The following FCHSD2 variants were observed in gnomAD, a reference collection of about 807,000 sequenced individuals.
The protein encoded by FCHSD2 is F-BAR and double SH3 domains protein 2.
A neutral mutation model predicts 108.1 loss-of-function variants in FCHSD2; 38 were observed. That is an observed-to-expected ratio of 0.35 (90% confidence interval 0.27 to 0.46). The LOEUF is 0.46. Ranked by LOEUF, FCHSD2 falls within the 20% of genes least tolerant of loss-of-function variation. FCHSD2 has a pLI of 1.00. For synonymous variants in FCHSD2, 279 were observed against 314.7 expected (o/e 0.89, Z 1.20); for missense variants, 751 against 897.8 (o/e 0.84, Z 2.09).
chr11:73,014,381 G>A (rs945920570), intron 4 of FCHSD2, among the ~76,000 whole-genome samples: 2 of 151,490 alleles, frequency 1.3e-5, no homozygotes, highest in Non-Finnish European at 2.9e-5. Context: ...CTTCCACCTC[G>A]GCCTCCCAAA....
At chr11:72,851,228 T>C (rs1861280537) in intron 13 of FCHSD2, among the ~76,000 whole-genome samples, 2 of 151,202 alleles carry the variant, frequency 1.3e-5, no homozygotes. Flanking sequence ...TTCACTGAAA[T>C]TAAAAACTAA....
chr11:73,082,621 T>G (rs1412888726), intron 3 of FCHSD2, among the ~76,000 whole-genome samples: 1 of 152,092 alleles, frequency 6.6e-6, no homozygotes, highest in Admixed American at 6.6e-5. Context: ...CCCCAATCTC[T>G]CATTATTTAT....
chr11:73,021,167 G>A (rs1257009832), intron 3 of FCHSD2, among the ~76,000 whole-genome samples: 1 of 151,564 alleles, frequency 6.6e-6, no homozygotes, highest in East Asian at 1.9e-4. Flanking sequence ...GCAGGCCACT[G>A]TGTCTGGCCT....
At chr11:72,984,573 T>C (rs996109407) in intron 7 of FCHSD2, among the ~76,000 whole-genome samples, 3 of 152,222 alleles carry the variant, frequency 2.0e-5, no homozygotes, top group African/African-American at 7.2e-5. Flanking sequence ...AAAACAGTTT[T>C]TTAAAAATCA....
At chr11:73,138,075 T>C (rs1424077180) in intron 2 of FCHSD2, among the ~76,000 whole-genome samples, 4 of 152,164 alleles carry the variant, frequency 2.6e-5, no homozygotes, top group Non-Finnish European at 4.4e-5. Context: ...AAGCAAAATG[T>C]GATGGATCAG....
intron 4 of FCHSD2, among the ~76,000 whole-genome samples, chr11:73,015,243 C>T (rs1435889124): frequency 9.2e-5 from 14 of 152,164 alleles, no homozygotes; most frequent in African/African-American, 2.7e-4. Flanking sequence ...CATTACAATT[C>T]GTATGTGGGA....
chr11:73,042,595 A>C (rs1449164901), intron 3 of FCHSD2, among the ~76,000 whole-genome samples: 1 of 152,150 alleles, frequency 6.6e-6, no homozygotes. Flanking sequence ...TCTATGAAGA[A>C]TGTCACTAGT....
At chr11:73,066,600 G>C (rs1859299013) in intron 3 of FCHSD2, among the ~76,000 whole-genome samples, 1 of 151,830 alleles carries the variant, frequency 6.6e-6, no homozygotes, top group Non-Finnish European at 1.5e-5. Flanking sequence ...ATCTGACAAA[G>C]GGCTAATATC....
chr11:73,077,228 A>C (rs1591535210), intron 3 of FCHSD2, among the ~76,000 whole-genome samples: 1 of 152,176 alleles, frequency 6.6e-6, no homozygotes, highest in East Asian at 1.9e-4. Context: ...CAAACAACCC[A>C]ATTTAAAAAA....
chr11:73,011,278 G>C (rs551524100), intron 4 of FCHSD2, among the ~76,000 whole-genome samples: 15 of 152,276 alleles, frequency 9.9e-5, no homozygotes, highest in African/African-American at 3.6e-4. Context: ...AGAATGCTCA[G>C]GTGGGAGGCA....
intron 2 of FCHSD2, among the ~76,000 whole-genome samples, chr11:73,114,120 A>G (rs1860554607): frequency 6.6e-6 from 1 of 151,858 alleles, no homozygotes; most frequent in South Asian, 2.1e-4. Context: ...ATTCTACTGC[A>G]GCTAAGCTGG....
chr11:72,964,891 G>A (rs942839939), intron 8 of FCHSD2, among the ~76,000 whole-genome samples: 10 of 150,226 alleles, frequency 6.7e-5, no homozygotes, highest in African/African-American at 1.2e-4. Flanking sequence ...CCGGGTTCAC[G>A]CCATTCTCCT....
Position 72,984,110 on chromosome 11 carries a change from G to T in FCHSD2, c.683C>A (p.Thr228Lys). The change falls in exon 8 of 20, where the codon ACA becomes AAA. Residue 228 changes from threonine (T) to lysine (K), a missense_variant. Physicochemically the swap from Thr to Lys is moderately conservative, Grantham distance 78. Coordinates refer to ENST00000409418, the MANE Select transcript of FCHSD2 (RefSeq NM_014824.3). Reference sequence around the variant, plus strand: ...TACCTTCATAATGTTAACTAAATCTGTTTGATAGTAGCGATCCTGATGTGC... The same window carrying T: ...TACCTTCATAATGTTAACTAAATCTTTTTGATAGTAGCGATCCTGATGTGC... ...ANAHQDRYYQ[T>K]DLVNIMKALD... 1.2e-6 allele frequency: 2 copies of T among 1,613,020 alleles called. No individual in the cohort carries two copies. The highest frequency in any genetic ancestry group is 1.3e-5 in the African/African-American group (1 of 75,026).
chr11:73,123,270 AT>A (rs1365458868), intron 2 of FCHSD2, among the ~76,000 whole-genome samples: 1 of 152,186 alleles, frequency 6.6e-6, no homozygotes, highest in Non-Finnish European at 1.5e-5. Context: ...AATTTTATAC[AT>A]CTTGGAATTC....
Position 72,954,196 on chromosome 11 carries a change from A to AATTTTTT in FCHSD2, c.705+29891_705+29892insAAAAAAT, listed in dbSNP as rs1565339614. 1.3e-4 allele frequency among the ~76,000 whole-genome samples: 15 copies of AATTTTTT among 111,702 alleles called. 7 individuals are homozygous for AATTTTTT. Among genetic ancestry groups the AATTTTTT allele is most frequent in the Non-Finnish European group, 1.8e-4 (10 of 55,680 alleles). The allele number at this position is 111,702 out of a possible 152,430, so 73.3% of individuals were successfully genotyped here. On this transcript the variant is annotated intron_variant, in intron 8 of 19. Coordinates refer to ENST00000409418, the MANE Select transcript of FCHSD2 (RefSeq NM_014824.3). ...TAGAATATTAGCAGTAGATGTGGGG[A>AATTTTTT]TTTTTTTTTTTTTTTTTTTTTTTTT...
intron 8 of FCHSD2, among the ~76,000 whole-genome samples, chr11:72,934,110 GAAAAAAAAAAAA>G (rs375464183): frequency 2.0e-5 from 1 of 50,880 alleles, no homozygotes; most frequent in African/African-American, 8.5e-5. Context: ...CACTGTCTCA[GAAAAAAAAAAAA>G]AAAAAAAAAA....
At chr11:73,023,450 C>A (rs1341789168) in intron 3 of FCHSD2, among the ~76,000 whole-genome samples, 2 of 152,176 alleles carry the variant, frequency 1.3e-5, no homozygotes, top group Non-Finnish European at 2.9e-5. Flanking sequence ...TTCAGCATCA[C>A]TTGTCATTAC....
chr11:73,112,054 G>C (rs897893099), intron 2 of FCHSD2, among the ~76,000 whole-genome samples: 3 of 152,044 alleles, frequency 2.0e-5, no homozygotes, highest in African/African-American at 7.2e-5. Context: ...TTATAAAATT[G>C]TTTTTCTGTG....
chr11:72,917,377 G>C (rs1474706859), intron 9 of FCHSD2, among the ~76,000 whole-genome samples: 1 of 152,100 alleles, frequency 6.6e-6, no homozygotes, highest in Non-Finnish European at 1.5e-5. Flanking sequence ...TGGCACCTTT[G>C]TTGCAAATCA....
Sources: allele counts gnomAD v4.1 joint callset (sites outside exome capture counted in the v4.1 genomes callset), GRCh38; gene constraint gnomAD v4.1.1; transcripts MANE v1.5; gene names NCBI Gene and HGNC (gene_info 2026-07-23, HGNC 2026-07-21).